SEMA3A: variants seen among roughly 807,000 people sequenced by gnomAD.
SEMA3A encodes the protein semaphorin-3A.
Under a neutral mutation model 97.9 loss-of-function variants are expected in SEMA3A, and 29 were observed. That is an observed-to-expected ratio of 0.30 (90% CI 0.22 to 0.40). The LOEUF (loss-of-function observed/expected upper bound fraction) is 0.40, where lower values mean the gene tolerates loss of function less well. Among genes scored for constraint, SEMA3A ranks in the 10% least tolerant of loss-of-function variants. The pLI, the probability that SEMA3A is intolerant of heterozygous loss-of-function variation, is 1.00. For synonymous variants in SEMA3A, 321 were observed against 323.7 expected, an observed-to-expected ratio of 0.99 and a Z score of 0.09; for missense variants, 763 against 951.3, an observed-to-expected ratio of 0.80 and a Z score of 2.60.
At chr7:84,402,703 G>A (rs1480800328) in intron 1 of SEMA3A, among the ~76,000 whole-genome samples, 2 of 152,066 alleles carry the variant, frequency 1.3e-5, no homozygotes, top group African/African-American at 4.8e-5. Flanking sequence ...AGATAATGTG[G>A]TGTATATACA....
intron 1 of SEMA3A, among the ~76,000 whole-genome samples, chr7:84,439,285 C>G (rs1383385902): frequency 6.6e-6 from 1 of 151,940 alleles, no homozygotes; most frequent in African/African-American, 2.4e-5. Flanking sequence ...GAAGAATTTT[C>G]TATGACAGGA....
chr7:84,156,322 G>A (rs1297849926), intron 1 of SEMA3A, among the ~76,000 whole-genome samples: 1 of 151,998 alleles, frequency 6.6e-6, no homozygotes, highest in Non-Finnish European at 1.5e-5. Flanking sequence ...AGTCTCCACT[G>A]GTGTACCTTA....
At position 84,011,431 on chromosome 7, in the gene SEMA3A, T is replaced by C. The variant is rs1413462086; in HGVS notation, c.811-134A>G. 6.2e-6 allele frequency: 4 copies of C among 649,082 alleles called. No homozygotes were observed. The African/African-American group carries it at 7.3e-5, about 12-fold the overall frequency. The allele number at this position is 649,082 out of a possible 1,614,324, so 40.2% of individuals were successfully genotyped here. A position where few individuals can be genotyped will look rare whatever the true frequency, so the allele number is the denominator to read the frequency against. On this transcript the variant is annotated intron_variant, in intron 7 of 16. Coordinates refer to ENST00000265362, the MANE Select transcript of SEMA3A (RefSeq NM_006080.3). ...TTTAAAAGTTCCTAATCATTTTAAA[T>C]GACCAGATATAGGTAACTATCACTT...
At chr7:84,404,438 G>A (rs1225577476) in intron 1 of SEMA3A, among the ~76,000 whole-genome samples, 4 of 152,270 alleles carry the variant, frequency 2.6e-5, no homozygotes, top group Non-Finnish European at 4.4e-5. Flanking sequence ...TGAAAGTGAC[G>A]GGGAGAATGG....
intron 3 of SEMA3A, among the ~76,000 whole-genome samples, chr7:84,208,257 C>G (rs1167896082): frequency 6.6e-6 from 1 of 152,054 alleles, no homozygotes; most frequent in Non-Finnish European, 1.5e-5. Flanking sequence ...TCGAGACCAT[C>G]CTGGCTAACA....
chr7:84,133,094 T>C (rs1796014486), intron 2 of SEMA3A, among the ~76,000 whole-genome samples: 1 of 152,142 alleles, frequency 6.6e-6, no homozygotes, highest in South Asian at 2.1e-4. Flanking sequence ...GAAAAACAAA[T>C]GAATAACCAG....
At chr7:84,013,496 G>A (rs1384923607) in intron 7 of SEMA3A, among the ~76,000 whole-genome samples, 6 of 151,798 alleles carry the variant, frequency 4.0e-5, no homozygotes, top group African/African-American at 4.9e-5. Flanking sequence ...TTGTAAAAAC[G>A]AGCTTTCATG....
intron 2 of SEMA3A, among the ~76,000 whole-genome samples, chr7:84,354,468 A>AC (rs1019630127): frequency 6.6e-6 from 1 of 151,352 alleles, no homozygotes; most frequent in African/African-American, 2.4e-5. Context: ...CTTTTCCTAT[A>AC]CCCCCATTCC....
At chr7:84,091,275 GA>G (rs1277728638) in intron 4 of SEMA3A, among the ~76,000 whole-genome samples, 1 of 119,100 alleles carries the variant, frequency 8.4e-6, no homozygotes, top group East Asian at 4.1e-4. Flanking sequence ...GAAAAAGAAA[GA>G]AAAGAAAGAA....
intron 1 of SEMA3A, among the ~76,000 whole-genome samples, chr7:84,434,660 C>T (rs959488369): frequency 6.6e-6 from 1 of 152,080 alleles, no homozygotes; most frequent in Non-Finnish European, 1.5e-5. Context: ...AGTTATTTTA[C>T]CATGATCAAG....
Position 84,323,344 on chromosome 7 carries a change from T to C in SEMA3A, c.-168-16052A>G, listed in dbSNP as rs895206046. ...GGTTGCTAAAGTTTGCTAATATTCA[T>C]GTTAGCAAAGCTCTTAATCTACATG... On this transcript the variant is annotated intron_variant, in intron 2 of 3. Transcript: ENST00000424555. Among the ~76,000 whole-genome samples, 13 of 152,200 alleles carry C rather than the reference T, an allele frequency of 8.5e-5. 1 individual carries two copies. In the South Asian group the frequency reaches 1.2e-3, roughly 15 times the overall value.
intron 1 of SEMA3A, among the ~76,000 whole-genome samples, chr7:84,473,182 C>T (rs1236511403): frequency 2.3e-5 from 3 of 128,730 alleles, no homozygotes. Flanking sequence ...GTGAAACCTA[C>T]ATACTTCTTA....
intron 6 of SEMA3A, among the ~76,000 whole-genome samples, chr7:84,019,099 T>A (rs1791219314): frequency 6.6e-6 from 1 of 152,072 alleles, no homozygotes; most frequent in Non-Finnish European, 1.5e-5. Context: ...ATAGAACTGA[T>A]GAATTATGCT....
chr7:84,060,023 T>A (rs1357813), intron 5 of SEMA3A, among the ~76,000 whole-genome samples: 43,360 of 152,096 alleles, frequency 0.29, 6,620 homozygotes, highest in African/African-American at 0.39. Context: ...CTAGAAAAGA[T>A]GATGGTTACA....
intron 1 of SEMA3A, among the ~76,000 whole-genome samples, chr7:84,491,171 A>T (rs750365278): frequency 1.6e-4 from 24 of 152,154 alleles, no homozygotes; most frequent in Non-Finnish European, 3.1e-4. Flanking sequence ...ATTTTCAATG[A>T]TGTCCATCTA....
intron 4 of SEMA3A, among the ~76,000 whole-genome samples, chr7:84,066,196 A>G (rs1352341911): frequency 6.6e-6 from 1 of 152,000 alleles, no homozygotes; most frequent in Non-Finnish European, 1.5e-5. Flanking sequence ...TAGATGCAGA[A>G]AAAGCCTTTG....
chr7:84,488,315 T>TAC lies in SEMA3A; in HGVS notation c.-246+4144_-246+4145insGT, dbSNP rs1408597815. 8.9e-3 allele frequency among the ~76,000 whole-genome samples: 841 copies of TAC among 94,276 alleles called. 6 individuals are homozygous for TAC. Among genetic ancestry groups the TAC allele is most frequent in the African/African-American group, 0.028 (614 of 22,194 alleles). 61.8% of individuals were successfully genotyped at this position (94,276 alleles called of 152,430 possible). A position where few individuals can be genotyped will look rare whatever the true frequency, so the allele number is the denominator to read the frequency against. ...TGTTTTCCAGCTATGTTTCTTCGTA[T>TAC]ATACACACACACACACACACACACA... On this transcript the variant is annotated intron_variant, in intron 1 of 3. Coordinates refer to the SEMA3A transcript ENST00000424555.
At chr7:84,417,787 G>A (rs955426513) in intron 1 of SEMA3A, among the ~76,000 whole-genome samples, 5 of 151,896 alleles carry the variant, frequency 3.3e-5, no homozygotes, top group African/African-American at 1.2e-4. Context: ...TTTCATGGGG[G>A]TTGGATGAGT....
intron 4 of SEMA3A, among the ~76,000 whole-genome samples, chr7:84,088,552 AT>A (rs1794459242): frequency 6.6e-6 from 1 of 152,092 alleles, no homozygotes; most frequent in African/African-American, 2.4e-5. Context: ...TCTTAATTCA[AT>A]TTTATTTATC....
Sources: allele counts gnomAD v4.1 joint callset (sites outside exome capture counted in the v4.1 genomes callset), GRCh38; gene constraint gnomAD v4.1.1; transcripts MANE v1.5; gene names NCBI Gene and HGNC (gene_info 2026-07-23, HGNC 2026-07-21).